ITSN1: variants seen among roughly 807,000 people sequenced by gnomAD.
ITSN1 encodes intersectin 1.
In ITSN1, 58 loss-of-function variants were observed where a neutral mutation model predicts 239.8. The ratio of observed to expected loss-of-function variants is 0.24; its 90% CI spans 0.20 to 0.30. The LOEUF (loss-of-function observed/expected upper bound fraction) is 0.30. ITSN1 is among the 10% of genes least tolerant of loss of function. ITSN1 has a pLI of 1.00. For missense variants in ITSN1, 1,558 were observed against 2,103.3 expected, an observed-to-expected ratio of 0.74 and a Z score of 5.07; for synonymous variants, 780 against 770.8, an observed-to-expected ratio of 1.01 and a Z score of -0.20.
At chr21:33,815,998 G>C (rs892694259) in intron 22 of ITSN1, among the ~76,000 whole-genome samples, 1 of 151,910 alleles carries the variant, frequency 6.6e-6, no homozygotes. Flanking sequence ...CCTGGCCAAC[G>C]TGGTGAAACC....
intron 27 of ITSN1, among the ~76,000 whole-genome samples, chr21:33,833,628 G>A (rs979088995): frequency 2.0e-5 from 3 of 152,236 alleles, no homozygotes; most frequent in Admixed American, 2.0e-4. Context: ...AGCACTTTGG[G>A]AGGCCGAGGG....
At chr21:33,842,927 C>G (rs2074873834) in intron 29 of ITSN1, among the ~76,000 whole-genome samples, 1 of 152,104 alleles carries the variant, frequency 6.6e-6, no homozygotes. Flanking sequence ...ATTTCCTATG[C>G]TGTCCTGTCC....
rs774783216 is a variant in ITSN1 at position 33,865,119 on chromosome 21, G to A, written c.3891-32G>A. 4.4e-6 allele frequency: 7 copies of A among 1,593,374 alleles called. No individual in the cohort carries two copies. In the African/African-American group the frequency reaches 8.0e-5, roughly 18 times the overall value. ...TGTGGTGCTGTCAGATAGCGTGAAA[G>A]CAGGGGGCTCACCTCCCGTGTTTCC... On this transcript the variant is annotated intron_variant, in intron 31 of 39. Transcript: ENST00000381318. The surrounding 1 kb of genome is among the most constrained non-coding windows in gnomAD (Gnocchi z 4.4).
At chr21:33,645,064 TCCCA>T (rs1463639139) in intron 1 of ITSN1, among the ~76,000 whole-genome samples, 1 of 152,092 alleles carries the variant, frequency 6.6e-6, no homozygotes, top group Non-Finnish European at 1.5e-5. Context: ...TAAACGATTC[TCCCA>T]CCTAGGCAGC....
chr21:33,670,054 G>A (rs978408948), intron 1 of ITSN1, among the ~76,000 whole-genome samples: 1 of 152,126 alleles, frequency 6.6e-6, no homozygotes, highest in Non-Finnish European at 1.5e-5. Flanking sequence ...AGCAGTAGTT[G>A]TCAAACTTTT....
At chr21:33,804,567 G>A (rs75895459) in intron 20 of ITSN1, among the ~76,000 whole-genome samples, 290 of 152,320 alleles carry the variant, frequency 1.9e-3, no homozygotes, top group African/African-American at 6.5e-3. Context: ...AATTGAGTCT[G>A]ACCTTGATGG....
At chr21:33,651,443 G>A (rs1290220153) in intron 1 of ITSN1, among the ~76,000 whole-genome samples, 2 of 152,300 alleles carry the variant, frequency 1.3e-5, no homozygotes, top group East Asian at 3.9e-4. Flanking sequence ...TTGTGATGAG[G>A]ATAATGTGGT....
At position 33,808,695 on chromosome 21, in the gene ITSN1, T is replaced by C. The variant is rs73352142; in HGVS notation, c.2320-2280T>C. On this transcript the variant is annotated intron_variant, in intron 20 of 39. Coordinates refer to ENST00000381318, the MANE Select transcript of ITSN1 (RefSeq NM_003024.3). ...ACAGGTATTTTTATTATCCCCATTTTACAGATGAAGAAACAGGTGCCACGA... is the reference window on the plus strand; with the variant it reads ...ACAGGTATTTTTATTATCCCCATTTCACAGATGAAGAAACAGGTGCCACGA... 9.1e-3 allele frequency among the ~76,000 whole-genome samples: 1,379 copies of C among 152,338 alleles called. 21 individuals are homozygous for C. The highest frequency in any genetic ancestry group is 0.032 in the African/African-American group (1,316 of 41,568).
At chr21:33,858,605 C>G in intron 30 of ITSN1, 81 bp from the exon 31 acceptor site, 1 of 865,120 alleles carries the variant, frequency 1.2e-6, no homozygotes, top group Non-Finnish European at 1.9e-6. Flanking sequence ...AGCCCTTTCC[C>G]TGCTCTCAGC....
chr21:33,886,341 A>C lies in ITSN1; in HGVS notation c.4898A>C (p.Lys1633Thr). The C allele has an allele frequency of 6.2e-7, 1 of 1,614,110 alleles. No individual in the cohort carries two copies. The highest frequency in any genetic ancestry group is 2.2e-5 in the East Asian group (1 of 44,886). ...ATGGGTTCCCAGTGCCACATCACCA[A>C]GACGATCCAGGACACTCTGAACCCC... ...VTMGSQCHIT[K>T]TIQDTLNPKW... Residue 1633 changes from lysine to threonine, a missense_variant, in exon 39 of 40, where the codon AAG becomes ACG. This residue lies in a region of ITSN1 where 576 missense variants were observed against 893.3 expected (regional missense o/e 0.64). Transcript: ENST00000381318.
chr21:33,663,601 T>G (rs2089714149), intron 1 of ITSN1, among the ~76,000 whole-genome samples: 1 of 151,338 alleles, frequency 6.6e-6, no homozygotes, highest in Admixed American at 6.5e-5. Context: ...AACCTGGTGA[T>G]TAAATTCTTT....
chr21:33,647,544 G>A (rs1342851774), intron 1 of ITSN1, among the ~76,000 whole-genome samples: 1 of 151,838 alleles, frequency 6.6e-6, no homozygotes, highest in Non-Finnish European at 1.5e-5. Context: ...TACCCAGGCT[G>A]GTGTATAGTG....
At chr21:33,647,969 A>C (rs1162230210) in intron 1 of ITSN1, among the ~76,000 whole-genome samples, 1 of 152,256 alleles carries the variant, frequency 6.6e-6, no homozygotes, top group Non-Finnish European at 1.5e-5. Context: ...GCAGGATCAA[A>C]GCCTATGCTA....
At chr21:33,854,755 G>A (rs908040787) in intron 29 of ITSN1, among the ~76,000 whole-genome samples, 1 of 152,234 alleles carries the variant, frequency 6.6e-6, no homozygotes, top group Non-Finnish European at 1.5e-5. Flanking sequence ...TGGCTGAGCA[G>A]AGGGCTCAAG....
At position 33,882,473 on chromosome 21, in the gene ITSN1, T is replaced by C; in HGVS notation, c.4554+18T>C. ...ATAAAACAGTAAGTTGGATTCTAGATTTTGCATTATCAGGGTTGACGTGTT... is the reference window on the plus strand; with the variant it reads ...ATAAAACAGTAAGTTGGATTCTAGACTTTGCATTATCAGGGTTGACGTGTT... On this transcript the variant is annotated intron_variant, in intron 35 of 39. Coordinates refer to ENST00000381318, the MANE Select transcript of ITSN1 (RefSeq NM_003024.3). This position sits in a 1 kb window ranked among gnomAD's most constrained non-coding sequence, Gnocchi z 4.5. 1.2e-6 allele frequency: 2 copies of C among 1,605,726 alleles called. No homozygotes were observed. Among genetic ancestry groups the C allele is most frequent in the Non-Finnish European group, 1.7e-6 (2 of 1,173,980 alleles).
intron 33 of ITSN1, among the ~76,000 whole-genome samples, chr21:33,870,196 A>G (rs1405725086): frequency 6.6e-6 from 1 of 152,254 alleles, no homozygotes; most frequent in Non-Finnish European, 1.5e-5. Context: ...GTAAGTTTTC[A>G]ACTTACTGTT....
Position 33,750,077 on chromosome 21 carries a change from T to C in ITSN1, c.347-66T>C, listed in dbSNP as rs770336993. ...GTGATTTTCTTTAAGCAGTACTGGGTTAATTATTATTCAGTGTTGAAATGT... is the reference window on the plus strand; with the variant it reads ...GTGATTTTCTTTAAGCAGTACTGGGCTAATTATTATTCAGTGTTGAAATGT... On this transcript the variant is annotated intron_variant, in intron 5 of 39. Transcript: ENST00000381318. 2.8e-6 allele frequency: 4 copies of C among 1,423,740 alleles called. No individual in the cohort carries two copies. The African/African-American group carries it at 5.6e-5, about 20-fold the overall frequency. 88.2% of individuals were successfully genotyped at this position (1,423,740 alleles called of 1,614,324 possible). A position where few individuals can be genotyped will look rare whatever the true frequency, so the allele number is the denominator to read the frequency against.
chr21:33,681,677 T>C (rs928176627), intron 1 of ITSN1, among the ~76,000 whole-genome samples: 5 of 151,770 alleles, frequency 3.3e-5, no homozygotes, highest in Non-Finnish European at 5.9e-5. Context: ...TGTTTTTGTT[T>C]TCGTGTTTTT....
intron 4 of ITSN1, among the ~76,000 whole-genome samples, chr21:33,725,854 C>T (rs2065802603): frequency 6.6e-6 from 1 of 152,168 alleles, no homozygotes; most frequent in Non-Finnish European, 1.5e-5. Context: ...CCACTGATAT[C>T]CTGCCCAGAT....
Sources: gnomAD v4.1 joint callset for allele counts (sites outside exome capture counted in the v4.1 genomes callset) on GRCh38, gnomAD v4.1.1 for gene constraint, gnomAD v4.1.1 regional missense constraint, Gnocchi (gnomAD v3.1) non-coding constraint, MANE v1.5 for transcripts, NCBI Gene and HGNC (gene_info 2026-07-23, HGNC 2026-07-21) for gene names.